The following PARD3 variants were observed in gnomAD, a reference collection of about 807,000 sequenced individuals.
PARD3 encodes the protein par-3 family cell polarity regulator.
Under a neutral mutation model 155.4 loss-of-function variants are expected in PARD3, and 75 were observed. That is an observed-to-expected ratio of 0.48 (90% confidence interval 0.40 to 0.58). PARD3 has a LOEUF of 0.58. Ranked by LOEUF, PARD3 falls within the 20% of genes least tolerant of loss-of-function variation. The pLI, the probability that PARD3 is intolerant of heterozygous loss-of-function variation, is 0.00. For missense variants in PARD3, 1,642 were observed against 1,721.7 expected (o/e 0.95, Z 0.82); for synonymous variants, 576 against 610.5 (o/e 0.94, Z 0.83).
At chr10:34,426,652 G>T (rs2075622597) in intron 5 of PARD3, 1 of 152,094 alleles carries the variant, frequency 6.6e-6, no homozygotes, top group African/African-American at 2.4e-5. Flanking sequence ...GCAAATATTT[G>T]TTCAAATGAA....
At chr10:34,137,769 C>A (rs1215115041) in intron 22 of PARD3, among the ~76,000 whole-genome samples, 1 of 152,152 alleles carries the variant, frequency 6.6e-6, no homozygotes, top group Non-Finnish European at 1.5e-5. Context: ...GCTTATAAGT[C>A]AAGCCCAGTG....
At chr10:34,781,055 G>A (rs1171850715) in intron 1 of PARD3, among the ~76,000 whole-genome samples, 2 of 152,156 alleles carry the variant, frequency 1.3e-5, no homozygotes, top group African/African-American at 4.8e-5. Context: ...TGCATCCCAC[G>A]CTTCTCAGCT....
At chr10:34,187,780 C>G (rs1435187340) in intron 22 of PARD3, among the ~76,000 whole-genome samples, 2 of 152,176 alleles carry the variant, frequency 1.3e-5, no homozygotes, top group Admixed American at 1.3e-4. Flanking sequence ...TTTTCCTGGG[C>G]AATGTTAATT....
chr10:34,305,798 T>C (rs1957376998), intron 20 of PARD3, among the ~76,000 whole-genome samples: 1 of 152,036 alleles, frequency 6.6e-6, no homozygotes, highest in African/African-American at 2.4e-5. Flanking sequence ...GGCAATAAAG[T>C]GAGACCGTGT....
chr10:34,673,526 C>A (rs1170351056), intron 2 of PARD3, among the ~76,000 whole-genome samples: 1 of 152,034 alleles, frequency 6.6e-6, no homozygotes, highest in Non-Finnish European at 1.5e-5. Flanking sequence ...AAATCAAGTT[C>A]CAGAATATTT....
chr10:34,410,381 A>G (rs1844928585), intron 5 of PARD3, among the ~76,000 whole-genome samples: 1 of 152,154 alleles, frequency 6.6e-6, no homozygotes, highest in Non-Finnish European at 1.5e-5. Context: ...ATTTTATTGC[A>G]ATCATTAAAG....
At chr10:34,814,592 C>T (rs1844661695) in intron 1 of PARD3, among the ~76,000 whole-genome samples, 1 of 151,950 alleles carries the variant, frequency 6.6e-6, no homozygotes, top group South Asian at 2.1e-4. Flanking sequence ...GCCTATGCGC[C>T]GCTGCCCGGC....
In PARD3 at chr10:34,359,206, C is replaced by T. The variant is rs760626775; in HGVS notation, c.2008G>A (p.Gly670Ser). 1.9e-6 allele frequency: 3 copies of T among 1,613,754 alleles called. No homozygotes were observed. The highest frequency in any genetic ancestry group is 1.7e-6 in the Non-Finnish European group (2 of 1,179,866). ...AGCTGGATCATTCCTCGTTTATTGC[C>T]TTCAGTAGACATAGACCTTCTTAGG... ...ETLRRSMSTE[G>S]NKRGMIQLIV... Residue 670 changes from glycine to serine, a missense_variant, in exon 14 of 25, where the codon GGC (glycine) becomes AGC (serine). Coordinates refer to ENST00000374788, the MANE Select transcript of PARD3 (RefSeq NM_001184785.2).
chr10:34,158,104 C>T (rs1949099181), intron 22 of PARD3, among the ~76,000 whole-genome samples: 1 of 152,164 alleles, frequency 6.6e-6, no homozygotes, highest in South Asian at 2.1e-4. Context: ...CCTGACAATG[C>T]AAGGTAACTC....
intron 3 of PARD3, among the ~76,000 whole-genome samples, chr10:34,490,165 G>C (rs1324379701): frequency 6.6e-6 from 1 of 152,202 alleles, no homozygotes; most frequent in Non-Finnish European, 1.5e-5. Context: ...CTGCAAGTCA[G>C]AGCTGGAAGA....
At chr10:34,367,093 C>T (rs1468756742) in intron 12 of PARD3, among the ~76,000 whole-genome samples, 1 of 152,136 alleles carries the variant, frequency 6.6e-6, no homozygotes, top group East Asian at 1.9e-4. Flanking sequence ...AAAATACTCA[C>T]CCAATCAAAG....
At chr10:34,769,629 G>A (rs1201460831) in intron 1 of PARD3, among the ~76,000 whole-genome samples, 5 of 151,668 alleles carry the variant, frequency 3.3e-5, no homozygotes, top group Admixed American at 6.6e-5. Context: ...ATAGTGGCAC[G>A]TTCCTGTAGT....
intron 2 of PARD3, among the ~76,000 whole-genome samples, chr10:34,601,021 G>A (rs1025201006): frequency 7.8e-6 from 1 of 127,898 alleles, no homozygotes. Context: ...TTGTTGCCCA[G>A]GCTAGTCTCA....
At chr10:34,800,964 A>C (rs1842792084) in intron 1 of PARD3, among the ~76,000 whole-genome samples, 3 of 152,208 alleles carry the variant, frequency 2.0e-5, no homozygotes, top group Admixed American at 2.0e-4. Flanking sequence ...TGCAGGGCCA[A>C]AACTCTTCTG....
intron 2 of PARD3, among the ~76,000 whole-genome samples, chr10:34,592,683 G>A (rs1485838097): frequency 1.3e-5 from 2 of 152,186 alleles, no homozygotes; most frequent in African/African-American, 4.8e-5. Context: ...GGCTAAGGCA[G>A]GAGAATTGCT....
intron 12 of PARD3, among the ~76,000 whole-genome samples, chr10:34,372,288 T>C (rs1476904174): frequency 6.6e-6 from 1 of 152,160 alleles, no homozygotes; most frequent in Non-Finnish European, 1.5e-5. Flanking sequence ...TGCGTCTATC[T>C]GACCAAAATT....
At chr10:34,250,017 C>T (rs1434258792) in intron 22 of PARD3, among the ~76,000 whole-genome samples, 1 of 152,170 alleles carries the variant, frequency 6.6e-6, no homozygotes, top group Non-Finnish European at 1.5e-5. Context: ...TGATGGCATA[C>T]TCTTAAGAAT....
intron 2 of PARD3, among the ~76,000 whole-genome samples, chr10:34,573,635 A>G (rs370074342): frequency 3.9e-5 from 6 of 152,058 alleles, no homozygotes; most frequent in African/African-American, 1.4e-4. Flanking sequence ...TGAACCTGGG[A>G]GGCAGAGGTT....
chr10:34,447,982 G>A (rs1589611750), intron 5 of PARD3, among the ~76,000 whole-genome samples: 1 of 152,194 alleles, frequency 6.6e-6, no homozygotes, highest in Non-Finnish European at 1.5e-5. Flanking sequence ...TTCTGCTTCT[G>A]CATATATATC....
Sources: gnomAD v4.1 joint callset for allele counts (sites outside exome capture counted in the v4.1 genomes callset) on GRCh38, gnomAD v4.1.1 for gene constraint, MANE v1.5 for transcripts, NCBI Gene and HGNC (gene_info 2026-07-23, HGNC 2026-07-21) for gene names.